CLDN10: variants seen among roughly 807,000 people sequenced by gnomAD.
CLDN10 encodes claudin-10.
Under a neutral mutation model 22.9 loss-of-function variants are expected in CLDN10, and 15 were observed. That is an observed-to-expected ratio of 0.65 (90% CI 0.44 to 1.01). CLDN10 has a LOEUF of 1.01. CLDN10 is among the 50% of genes least tolerant of loss of function. CLDN10 has a pLI of 0.00. For synonymous variants in CLDN10, 114 were observed against 111.4 expected, an observed-to-expected ratio of 1.02 and a Z score of -0.15; for missense variants, 247 against 287.8, an observed-to-expected ratio of 0.86 and a Z score of 1.03.
At chr13:95,471,702 T>C (rs939494459) in intron 1 of CLDN10, among the ~76,000 whole-genome samples, 3 of 152,042 alleles carry the variant, frequency 2.0e-5, no homozygotes, top group African/African-American at 7.2e-5. Flanking sequence ...TCCACCCTCA[T>C]TGGCCTCCCA....
At chr13:95,488,755 T>C (rs2042834508) in intron 1 of CLDN10, among the ~76,000 whole-genome samples, 1 of 152,158 alleles carries the variant, frequency 6.6e-6, no homozygotes, top group African/African-American at 2.4e-5. Context: ...ACTATATATA[T>C]ACCACAATCT....
At chr13:95,448,994 T>C (rs934118045) in intron 1 of CLDN10, among the ~76,000 whole-genome samples, 3 of 151,672 alleles carry the variant, frequency 2.0e-5, no homozygotes, top group African/African-American at 4.8e-5. Context: ...CTCCCTCGGC[T>C]TCCCAAAGTG....
intron 1 of CLDN10, among the ~76,000 whole-genome samples, chr13:95,447,008 G>A (rs1222543238): frequency 6.6e-6 from 1 of 152,170 alleles, no homozygotes; most frequent in African/African-American, 2.4e-5. Context: ...GATGGCGGGG[G>A]CAGGGGGATA....
intron 1 of CLDN10, among the ~76,000 whole-genome samples, chr13:95,441,278 C>T (rs1024848998): frequency 1.3e-5 from 2 of 152,142 alleles, no homozygotes; most frequent in African/African-American, 4.8e-5. Context: ...CTTTTTGAGA[C>T]AGGGTCTTGC....
intron 1 of CLDN10, among the ~76,000 whole-genome samples, chr13:95,449,800 G>A (rs2042416454): frequency 6.8e-6 from 1 of 147,970 alleles, no homozygotes; most frequent in Admixed American, 6.8e-5. Flanking sequence ...CTGGAGTGCA[G>A]TGGCACAACC....
At chr13:95,444,827 C>T (rs147459965) in intron 1 of CLDN10, among the ~76,000 whole-genome samples, 1,942 of 152,318 alleles carry the variant, frequency 0.013, 52 homozygotes, top group African/African-American at 0.045. Context: ...CAGAGTCTCA[C>T]TCTGTCACAC....
chr13:95,564,908 T>C lies in CLDN10; in HGVS notation c.464+4445T>C, dbSNP rs373173773. Reference sequence around the variant, plus strand: ...ATCTGGGAAGATTTTTCTTCCGAGCTACAATCATTTGACAGAACTGCAATC... The same window carrying C: ...ATCTGGGAAGATTTTTCTTCCGAGCCACAATCATTTGACAGAACTGCAATC... On this transcript the variant is annotated intron_variant, in intron 3 of 4. Transcript: ENST00000299339. Among the ~76,000 whole-genome samples, 17 of 152,208 alleles carry C rather than the reference T, an allele frequency of 1.1e-4. 1 individual carries two copies. Among genetic ancestry groups the C allele is most frequent in the Admixed American group, 9.8e-4 (15 of 15,278 alleles).
At chr13:95,569,998 A>C (rs1290440159) in intron 3 of CLDN10, among the ~76,000 whole-genome samples, 1 of 152,144 alleles carries the variant, frequency 6.6e-6, no homozygotes, top group Non-Finnish European at 1.5e-5. Context: ...TCGATCTCCT[A>C]ATGTCAGATT....
intron 1 of CLDN10, among the ~76,000 whole-genome samples, chr13:95,485,694 G>A (rs1236507445): frequency 1.3e-5 from 2 of 152,128 alleles, no homozygotes; most frequent in Non-Finnish European, 2.9e-5. Context: ...TGTGTTTTTG[G>A]CATACTCAGC....
intron 1 of CLDN10, among the ~76,000 whole-genome samples, chr13:95,522,603 AG>A (rs1413778232): frequency 6.6e-6 from 1 of 152,068 alleles, no homozygotes. Context: ...GATTGCTGGT[AG>A]TGTTTCTCAA....
intron 1 of CLDN10, chr13:95,479,445 T>C (rs2042720410): frequency 6.6e-6 from 1 of 152,142 alleles, no homozygotes; most frequent in Non-Finnish European, 1.5e-5. Context: ...CTGAAGGTAT[T>C]AGGATTGTCA....
intron 1 of CLDN10, among the ~76,000 whole-genome samples, chr13:95,517,933 C>CAAAAAA (rs35780641): frequency 2.1e-5 from 2 of 94,092 alleles, no homozygotes; most frequent in Non-Finnish European, 4.1e-5. Flanking sequence ...AACTCCACCT[C>CAAAAAA]AAAAAAAAAA....
chr13:95,442,043 C>T (rs1214079507), intron 1 of CLDN10, among the ~76,000 whole-genome samples: 2 of 152,188 alleles, frequency 1.3e-5, no homozygotes, highest in Admixed American at 6.5e-5. Context: ...CCCAGCTACT[C>T]AGGAGGCTGA....
intron 3 of CLDN10, among the ~76,000 whole-genome samples, chr13:95,569,207 T>C (rs1319419793): frequency 7.2e-6 from 1 of 138,362 alleles, no homozygotes; most frequent in Non-Finnish European, 1.7e-5. Context: ...TGTTGAAATG[T>C]TGGAGACCTA....
At chr13:95,440,142 G>T in intron 1 of CLDN10, among the ~76,000 whole-genome samples, 1 of 151,862 alleles carries the variant, frequency 6.6e-6, no homozygotes, top group East Asian at 1.9e-4. Context: ...TCAAACTCCT[G>T]ACCTCGTGAT....
upstream of CLDN10, among the ~76,000 whole-genome samples, chr13:95,548,427 T>G (rs2043531867): frequency 1.3e-5 from 2 of 152,206 alleles, no homozygotes; most frequent in Non-Finnish European, 2.9e-5. Context: ...GGAGTACAAC[T>G]TCACAGGTTG....
At position 95,434,901 on chromosome 13, in the gene CLDN10, A is replaced by G. The variant is rs150529311; in HGVS notation, c.214+854A>G. ...TTAATGTTTGTCACAGCCTAGATAT[A>G]AAACAAAACGAAACAAAAAACCATA... On this transcript the variant is annotated intron_variant, in intron 1 of 4. Coordinates refer to the CLDN10 transcript ENST00000376873. Among the ~76,000 whole-genome samples the G allele has an allele frequency of 4.2e-3, 647 of 152,288 alleles. 6 individuals carry two copies. Among genetic ancestry groups the G allele is most frequent in the African/African-American group, 0.014 (596 of 41,546 alleles).
intron 1 of CLDN10, among the ~76,000 whole-genome samples, chr13:95,508,007 G>C (rs954190755): frequency 5.9e-5 from 9 of 152,074 alleles, no homozygotes; most frequent in African/African-American, 2.2e-4. Context: ...AGGATCACTT[G>C]AGCCCAGGAG....
At chr13:95,543,135 G>A (rs1196877859) in intron 1 of CLDN10, among the ~76,000 whole-genome samples, 7 of 152,186 alleles carry the variant, frequency 4.6e-5, no homozygotes, top group South Asian at 4.1e-4. Context: ...GGGAGGTTGA[G>A]GCATGAGAAT....
Sources: allele counts gnomAD v4.1 joint callset (sites outside exome capture counted in the v4.1 genomes callset), GRCh38; gene constraint gnomAD v4.1.1; transcripts MANE v1.5; gene names NCBI Gene and HGNC (gene_info 2026-07-23, HGNC 2026-07-21).